DPP3: variants seen among roughly 807,000 people sequenced by gnomAD.
The protein encoded by DPP3 is dipeptidyl peptidase 3, also known as DPP III.
A neutral mutation model predicts 89.8 loss-of-function variants in DPP3; 64 were observed. That is an observed-to-expected ratio of 0.71 (90% CI 0.58 to 0.88). DPP3 has a LOEUF of 0.88. Ranked by LOEUF, DPP3 falls within the 40% of genes least tolerant of loss-of-function variation. DPP3 has a pLI of 0.00. For synonymous variants in DPP3, 377 were observed against 404.3 expected (o/e 0.93, Z 0.81); for missense variants, 835 against 972.5 (o/e 0.86, Z 1.88).
At position 66,482,058 on chromosome 11, in the gene DPP3, T is replaced by G. The variant is rs1855098083; in HGVS notation, c.-8-135T>G. On this transcript the variant is annotated intron_variant, in intron 1 of 17. Transcript: ENST00000531863. The stretch of plus-strand genomic sequence containing the variant: ...CCTTCTCTAAGCCTCAGTTAGCATA[T>G]CTGGTGAATGGGTACAATAGTATTC... The G allele has an allele frequency of 6.3e-6, 8 of 1,279,780 alleles. No homozygotes were observed. In the Admixed American group the frequency reaches 1.7e-4, roughly 26 times the overall value. 79.3% of individuals were successfully genotyped at this position (1,279,780 alleles called of 1,614,324 possible).
chr11:66,491,415 C>A (rs1423637749), intron 7 of DPP3, 32 bp downstream of exon 7: 1 of 1,608,764 alleles, frequency 6.2e-7, no homozygotes, highest in African/African-American at 1.3e-5. Flanking sequence ...GGGGTGCGGG[C>A]TGAGGACCCC....
At chr11:66,490,708 A>G (rs1466904468) in intron 6 of DPP3, among the ~76,000 whole-genome samples, 2 of 151,100 alleles carry the variant, frequency 1.3e-5, no homozygotes, top group South Asian at 2.1e-4. Flanking sequence ...CGGAAAGCAC[A>G]TGTTATGTGA....
chr11:66,506,122 T>C (rs1855794414), intron 17 of DPP3, among the ~76,000 whole-genome samples: 1 of 152,116 alleles, frequency 6.6e-6, no homozygotes, highest in Non-Finnish European at 1.5e-5. Context: ...CTAATTTTTG[T>C]ATTTTTTTTA....
In DPP3 at chr11:66,500,375, CT is replaced by C. The variant is rs574013130; in HGVS notation, c.1878+2905del. On this transcript the variant is annotated intron_variant, in intron 16 of 17. Transcript: ENST00000531863. The stretch of plus-strand genomic sequence containing the variant: ...TTTCAAAAAATAAAGAAAGAAGAAA[CT>C]TTTTTTAAAAAAGTGAAGGAGAAAA... 3.0e-4 allele frequency among the ~76,000 whole-genome samples: 46 copies of C among 152,164 alleles called. 1 individual carries two copies. In the East Asian group the frequency reaches 7.7e-3, roughly 26 times the overall value.
rs187901345 is a variant in DPP3, at chr11:66,493,703, C to T, written c.1389+70C>T. Reference sequence around the variant, plus strand: ...ACTCCCCACAACCTGCCCTACCCAGCGGTGAAGCTGCTCCAGCCTCTGCCC... The same window carrying T: ...ACTCCCCACAACCTGCCCTACCCAGTGGTGAAGCTGCTCCAGCCTCTGCCC... On this transcript the variant is annotated intron_variant, in intron 12 of 17. Coordinates refer to ENST00000531863, the MANE Select transcript of DPP3 (RefSeq NM_130443.4). The T allele has an allele frequency of 4.9e-4, 728 of 1,476,842 alleles. 8 individuals are homozygous for T. In the East Asian group the frequency reaches 0.016, roughly 32 times the overall value. 91.5% of individuals were successfully genotyped at this position (1,476,842 alleles called of 1,614,324 possible).
intron 2 of DPP3, 101 bp from the exon 3 acceptor site, chr11:66,485,072 C>A: frequency 8.7e-7 from 1 of 1,152,316 alleles, no homozygotes; most frequent in Non-Finnish European, 1.3e-6. Flanking sequence ...CCCAGCCTCA[C>A]CCACACTGGC....
At chr11:66,502,899 G>A (rs1482959657) in intron 16 of DPP3, among the ~76,000 whole-genome samples, 6 of 151,202 alleles carry the variant, frequency 4.0e-5, no homozygotes, top group African/African-American at 9.7e-5. Context: ...CGCCCGGCCC[G>A]AGTGTTTGTT....
intron 16 of DPP3, among the ~76,000 whole-genome samples, chr11:66,501,967 A>G (rs961788089): frequency 1.4e-3 from 206 of 152,162 alleles, no homozygotes; most frequent in African/African-American, 4.6e-3. Context: ...GGAGGCCAAG[A>G]TGGGCAGATC....
intron 16 of DPP3, among the ~76,000 whole-genome samples, chr11:66,501,825 C>CAAAAAAAA (rs35196491): frequency 0.19 from 15,115 of 81,568 alleles, 1,039 homozygotes; most frequent in Non-Finnish European, 0.26. Flanking sequence ...ACTTTGTCTC[C>CAAAAAAAA]AAAAAAAAAA....
intron 6 of DPP3, among the ~76,000 whole-genome samples, chr11:66,490,662 C>T (rs1480419552): frequency 1.3e-5 from 2 of 152,164 alleles, no homozygotes; most frequent in East Asian, 3.8e-4. Flanking sequence ...TCCGCCTCCT[C>T]CCAGAGTTGG....
chr11:66,501,955 TGGGAGGCCAAGATGGGCA>T (rs1855687580), intron 16 of DPP3, among the ~76,000 whole-genome samples: 1 of 151,988 alleles, frequency 6.6e-6, no homozygotes, highest in Non-Finnish European at 1.5e-5. Context: ...CCCAGCACTT[TGGGAGGCCAAGATGGGCA>T]GATCATGAGG....
At chr11:66,502,360 T>C (rs867928417) in intron 16 of DPP3, among the ~76,000 whole-genome samples, 24 of 151,620 alleles carry the variant, frequency 1.6e-4, no homozygotes, top group South Asian at 6.2e-4. Context: ...CAGGCTGGAA[T>C]GCAGTGGCAA....
rs2134731221 is a variant in DPP3, at chr11:66,491,901, C to T, written c.988+145C>T. Reference sequence around the variant, plus strand: ...AGCCATGGTAAATAAACACCGTTTACAATGTATTGGGCACTGTTGTAAGAA... The same window carrying T: ...AGCCATGGTAAATAAACACCGTTTATAATGTATTGGGCACTGTTGTAAGAA... On this transcript the variant is annotated intron_variant, in intron 9 of 17. Transcript: ENST00000531863. 5 of 903,866 alleles carry T rather than the reference C, an allele frequency of 5.5e-6. No homozygotes were observed. The East Asian group carries it at 1.2e-4, about 22-fold the overall frequency. The allele number at this position is 903,866 out of a possible 1,614,324, so 56.0% of individuals were successfully genotyped here.
chr11:66,481,973 G>A (rs1473078323), intron 1 of DPP3: 1 of 631,620 alleles, frequency 1.6e-6, no homozygotes, highest in African/African-American at 1.8e-5. Flanking sequence ...AAGGTTTAGG[G>A]ACTACAGACC....
Position 66,509,476 on chromosome 11 carries a change from G to A in DPP3, c.*225G>A. 1 of 1,436,702 alleles carries A rather than the reference G, an allele frequency of 7.0e-7. No individual in the cohort carries two copies. The highest frequency in any genetic ancestry group is 9.5e-7 in the Non-Finnish European group (1 of 1,056,898). The allele number at this position is 1,436,702 out of a possible 1,614,324, so 89.0% of individuals were successfully genotyped here. A position where few individuals can be genotyped will look rare whatever the true frequency, so the allele number is the denominator to read the frequency against. On this transcript the variant is annotated 3_prime_UTR_variant, in exon 18 of 18. Transcript: ENST00000531863. ...TTTCATCTGCACTGCCATACGTGGA[G>A]TGAGCAAGACAGGGCTTACCATCCT...
intron 1 of DPP3, among the ~76,000 whole-genome samples, chr11:66,481,848 ATGT>A (rs1855092089): frequency 6.6e-6 from 1 of 152,116 alleles, no homozygotes; most frequent in African/African-American, 2.4e-5. Context: ...AGGTTTCACC[ATGT>A]TGGTCAGGCT....
rs921325128 is a variant in DPP3 at position 66,487,067 on chromosome 11, G to C, written c.499-201G>C. Among the ~76,000 whole-genome samples, 36 of 152,164 alleles carry C rather than the reference G, an allele frequency of 2.4e-4. 1 individual carries two copies. The highest frequency in any genetic ancestry group is 7.4e-5 in the Non-Finnish European group (5 of 68,016). On this transcript the variant is annotated intron_variant, in intron 4 of 17. Transcript: ENST00000531863. ...AAGCCTTAGGGGTGGGCCAGCCAGA[G>C]AGAGGCCTGGGCAGAGCTGCAGCAA...
rs548345938 is a variant in DPP3, at chr11:66,482,501, TGAGTGGCTTCTG to T, written c.270+33_270+44del. The T allele has an allele frequency of 9.1e-5, 144 of 1,589,536 alleles. No individual in the cohort carries two copies. In the African/African-American group the frequency reaches 1.8e-3, roughly 19 times the overall value. On this transcript the variant is annotated intron_variant, in intron 2 of 17. Transcript: ENST00000531863. ...TTCTCTTGGGCCAACCCACATTACC[TGAGTGGCTTCTG>T]GGTGTGAAAGACCAGGATGCAAATG...
At chr11:66,485,292 G>C in intron 3 of DPP3, 30 bp downstream of exon 3, 2 of 1,606,744 alleles carry the variant, frequency 1.2e-6, no homozygotes, top group Non-Finnish European at 1.7e-6. Context: ...GGGAAGGTGG[G>C]GATGGGGGGC....
Sources: allele counts gnomAD v4.1 joint callset (sites outside exome capture counted in the v4.1 genomes callset), GRCh38; gene constraint gnomAD v4.1.1; transcripts MANE v1.5; gene names NCBI Gene and HGNC (gene_info 2026-07-23, HGNC 2026-07-21).